The following CUX2 variants were observed in gnomAD, a reference collection of about 807,000 sequenced individuals.
CUX2 encodes cut like homeobox 2, also known as homeobox protein cut-like 2.
Under a neutral mutation model 144.8 loss-of-function variants are expected in CUX2, and 40 were observed. The observed-to-expected ratio is 0.28, with a 90% CI of 0.21 to 0.36. CUX2 has a LOEUF of 0.36. Ranked by LOEUF, CUX2 falls within the 10% of genes least tolerant of loss-of-function variation. The pLI, the probability that CUX2 is intolerant of heterozygous loss-of-function variation, is 1.00. For synonymous variants in CUX2, 827 were observed against 875.6 expected (o/e 0.94, Z 0.98); for missense variants, 1,615 against 1,994.0 (o/e 0.81, Z 3.62).
chr12:111,092,520 G>A (rs1446049743), intron 1 of CUX2, among the ~76,000 whole-genome samples: 2 of 152,184 alleles, frequency 1.3e-5, no homozygotes, highest in African/African-American at 4.8e-5. Flanking sequence ...ACACTGACTA[G>A]TCCAAGGTCT....
chr12:111,301,432 T>C (rs10849930), intron 9 of CUX2, among the ~76,000 whole-genome samples: 42,336 of 151,988 alleles, frequency 0.28, 7,900 homozygotes, highest in East Asian at 0.74. Context: ...ACCTCCCAAG[T>C]GTCATGTGGA....
At chr12:111,142,820 G>T (rs555831031) in intron 1 of CUX2, among the ~76,000 whole-genome samples, 1 of 152,198 alleles carries the variant, frequency 6.6e-6, no homozygotes, top group Admixed American at 6.5e-5. Context: ...CTGTGTAACC[G>T]CTGGGATTTT....
At chr12:111,253,147 C>T (rs1220879659) in intron 3 of CUX2, among the ~76,000 whole-genome samples, 1 of 152,172 alleles carries the variant, frequency 6.6e-6, no homozygotes, top group Admixed American at 6.5e-5. Context: ...ACCCCAGACC[C>T]TCAGTCCCTT....
chr12:111,282,993 A>C (rs952101350), intron 4 of CUX2, among the ~76,000 whole-genome samples: 7 of 151,996 alleles, frequency 4.6e-5, no homozygotes, highest in African/African-American at 1.5e-4. Context: ...CAGGCGGATC[A>C]CTTGAGGTCA....
chr12:111,268,689 G>A (rs1277139148), intron 4 of CUX2, among the ~76,000 whole-genome samples: 5 of 152,356 alleles, frequency 3.3e-5, no homozygotes, highest in Admixed American at 6.5e-5. Context: ...CCTCACTGCC[G>A]GCCATAACGT....
In CUX2 at chr12:111,214,266, C is replaced by T; in HGVS notation, c.130C>T (p.His44Tyr). 1 of 1,603,430 alleles carries T rather than the reference C, an allele frequency of 6.2e-7. No individual in the cohort carries two copies. The change falls in exon 2 of 22, where the codon CAT becomes TAT. Residue 44 changes from histidine (H) to tyrosine (Y), a missense_variant. Physicochemically the swap from His to Tyr is moderately conservative, Grantham distance 83. Coordinates refer to ENST00000261726, the MANE Select transcript of CUX2 (RefSeq NM_015267.4). ...RQEESEHSHK[H>Y]LIELRREFKK... ...GGAGGAGAGTGAACATTCTCATAAA[C>T]ATTTAATTGAACTCCGCCGGGAATT...
chr12:111,291,349 C>G, intron 4 of CUX2, 69 bp from the exon 5 acceptor site: 1 of 1,510,444 alleles, frequency 6.6e-7, no homozygotes, highest in Non-Finnish European at 8.9e-7. Flanking sequence ...CTGCCAGGCC[C>G]TGCAGCCACA....
chr12:111,127,198 A>G (rs888865886), intron 1 of CUX2, among the ~76,000 whole-genome samples: 1 of 152,248 alleles, frequency 6.6e-6, no homozygotes, highest in Non-Finnish European at 1.5e-5. Flanking sequence ...TAGCTGGTAT[A>G]ACTACTTTCT....
rs1233563251 is a variant in CUX2, at chr12:111,035,138, A to T, written c.63+898A>T. Among the ~76,000 whole-genome samples the T allele has an allele frequency of 6.6e-6, 1 of 151,742 alleles. No individual in the cohort carries two copies. Among genetic ancestry groups the T allele is most frequent in the Non-Finnish European group, 1.5e-5 (1 of 67,930 alleles). ...GCCCAAGGGAACTTTTAAATGAGAG[A>T]TTTCCTTGCTTGTTCTGCCTCCTGC... is the stretch of plus-strand genomic sequence containing the variant. On this transcript the variant is annotated intron_variant, in intron 1 of 21. Transcript: ENST00000261726. This position sits in a 1 kb window ranked among gnomAD's most constrained non-coding sequence, Gnocchi z 6.0.
chr12:111,203,724 G>A (rs1441459660), intron 1 of CUX2, among the ~76,000 whole-genome samples: 2 of 152,040 alleles, frequency 1.3e-5, no homozygotes, highest in Non-Finnish European at 2.9e-5. Flanking sequence ...TATGAGTTGG[G>A]TTTAACAGGA....
At chr12:111,298,395 G>A in intron 8 of CUX2, 146 bp from the exon 9 acceptor site, 2 of 755,056 alleles carry the variant, frequency 2.6e-6, no homozygotes, top group Admixed American at 5.7e-5. Flanking sequence ...CGAAGCCTAG[G>A]CTCTTTTCTC....
chr12:111,132,723 C>A (rs891432537), intron 1 of CUX2, among the ~76,000 whole-genome samples: 1 of 151,796 alleles, frequency 6.6e-6, no homozygotes, highest in African/African-American at 2.4e-5. Context: ...TCCACCACCA[C>A]GCCCAGCTAA....
At chr12:111,101,829 C>T (rs560759980) in intron 1 of CUX2, among the ~76,000 whole-genome samples, 2 of 152,274 alleles carry the variant, frequency 1.3e-5, no homozygotes, top group Admixed American at 6.5e-5. Context: ...TGTGTCCTAG[C>T]TATGTGTGAT....
At chr12:111,279,366 A>G (rs548847413) in intron 4 of CUX2, among the ~76,000 whole-genome samples, 38 of 151,188 alleles carry the variant, frequency 2.5e-4, no homozygotes, top group Non-Finnish European at 4.6e-4. Context: ...CCATTGCCAC[A>G]TGTTATGGTT....
At chr12:111,047,188 G>A (rs75183014) in intron 1 of CUX2, among the ~76,000 whole-genome samples, 5,303 of 152,296 alleles carry the variant, frequency 0.035, 324 homozygotes, top group African/African-American at 0.12. Context: ...TGCATTCCGC[G>A]AGATGGAATT....
intron 1 of CUX2, among the ~76,000 whole-genome samples, chr12:111,128,781 G>A (rs1875251484): frequency 6.6e-6 from 1 of 152,196 alleles, no homozygotes; most frequent in African/African-American, 2.4e-5. Flanking sequence ...TATCCAGATG[G>A]GGGCCTGTCG....
Position 111,162,062 on chromosome 12 carries a change from A to C in CUX2, c.64-52138A>C, listed in dbSNP as rs542672626. Among the ~76,000 whole-genome samples, 8 of 152,326 alleles carry C rather than the reference A, an allele frequency of 5.3e-5. No homozygotes were observed. In the East Asian group the frequency reaches 1.5e-3, roughly 29 times the overall value. ...GGATGTCATTTCTTAAAGTCACTTC[A>C]GCAGGGGCGTTACTGTTATGCCCAT... is the stretch of plus-strand genomic sequence containing the variant. On this transcript the variant is annotated intron_variant, in intron 1 of 21. Transcript: ENST00000261726.
chr12:111,248,053 G>A (rs1390023400), intron 3 of CUX2, among the ~76,000 whole-genome samples: 1 of 152,068 alleles, frequency 6.6e-6, no homozygotes, highest in Non-Finnish European at 1.5e-5. Flanking sequence ...CCGCCACCAC[G>A]CCTGGCTAAT....
At chr12:111,189,106 C>A (rs894112285) in intron 1 of CUX2, among the ~76,000 whole-genome samples, 24 of 152,036 alleles carry the variant, frequency 1.6e-4, no homozygotes, top group African/African-American at 5.1e-4. Context: ...GTGGGGAAAC[C>A]CCGACTCTAC....
Sources: allele counts gnomAD v4.1 joint callset (sites outside exome capture counted in the v4.1 genomes callset), GRCh38; gene constraint gnomAD v4.1.1; non-coding constraint Gnocchi (gnomAD v3.1); transcripts MANE v1.5; gene names NCBI Gene and HGNC (gene_info 2026-07-23, HGNC 2026-07-21).